Variants in SLMAP observed in about 807,000 individuals in gnomAD.
SLMAP encodes the protein sarcolemma associated protein, also known as sarcolemmal membrane-associated protein.
In SLMAP, 44 loss-of-function variants were observed where a neutral mutation model predicts 128.8. That is an observed-to-expected ratio of 0.34 (90% CI 0.27 to 0.44). The LOEUF (loss-of-function observed/expected upper bound fraction) is 0.44, where lower values mean the gene tolerates loss of function less well. Ranked by LOEUF, SLMAP falls within the 20% of genes least tolerant of loss-of-function variation. The pLI is 1.00. For synonymous variants in SLMAP, 327 were observed against 348.8 expected (o/e 0.94, Z 0.70); for missense variants, 787 against 985.3 (o/e 0.80, Z 2.69).
At chr3:57,920,643 C>G (rs1380576415) in intron 22 of SLMAP, among the ~76,000 whole-genome samples, 1 of 152,048 alleles carries the variant, frequency 6.6e-6, no homozygotes, top group Non-Finnish European at 1.5e-5. Context: ...CAAGGAGGAA[C>G]CTTTCTGGTA....
At chr3:57,846,219 A>G (rs1435410967) in intron 4 of SLMAP, among the ~76,000 whole-genome samples, 2 of 152,202 alleles carry the variant, frequency 1.3e-5, no homozygotes, top group Non-Finnish European at 2.9e-5. Flanking sequence ...GGGTAGAGCT[A>G]GATTTTGGAC....
At chr3:57,837,632 G>T (rs2093701473) in intron 3 of SLMAP, among the ~76,000 whole-genome samples, 2 of 152,170 alleles carry the variant, frequency 1.3e-5, no homozygotes, top group South Asian at 4.1e-4. Flanking sequence ...GCCTCCCAAA[G>T]TACTGGGATT....
At chr3:57,840,492 A>G (rs902845645) in intron 3 of SLMAP, among the ~76,000 whole-genome samples, 3 of 152,234 alleles carry the variant, frequency 2.0e-5, no homozygotes, top group Non-Finnish European at 4.4e-5. Context: ...ATAAAGAGAA[A>G]TAAAAAACCG....
chr3:57,756,508 G>A (rs1466391226), intron 1 of SLMAP, 40 bp from the exon 2 acceptor site: 5 of 152,634 alleles, frequency 3.3e-5, no homozygotes, highest in African/African-American at 1.2e-4. Flanking sequence ...GGCGGGCTGA[G>A]GCGCCTGACG....
chr3:57,875,774 A>T (rs1021863746), intron 14 of SLMAP, among the ~76,000 whole-genome samples: 1 of 152,218 alleles, frequency 6.6e-6, no homozygotes, highest in Admixed American at 6.5e-5. Flanking sequence ...TGGGAAAGTG[A>T]GGGTTGACTC....
intron 2 of SLMAP, among the ~76,000 whole-genome samples, chr3:57,818,241 C>G (rs571051560): frequency 1.3e-5 from 2 of 152,066 alleles, no homozygotes; most frequent in Non-Finnish European, 2.9e-5. Context: ...CTGCAACCTC[C>G]GCCTCCCGGG....
rs1254082872 is a variant in SLMAP, at chr3:57,757,510, A to G, written c.-142A>G. 3 of 714,648 alleles carry G rather than the reference A, an allele frequency of 4.2e-6. No individual in the cohort carries two copies. Among genetic ancestry groups the G allele is most frequent in the African/African-American group, 3.5e-5 (2 of 56,828 alleles). The allele number at this position is 714,648 out of a possible 1,614,324, so 44.3% of individuals were successfully genotyped here. A position where few individuals can be genotyped will look rare whatever the true frequency, so the allele number is the denominator to read the frequency against. ...CCACCCAAGTGAAGAGTTGATGTTC[A>G]CTGGTTATGCTTAGACAATGTGCAG... On this transcript the variant is annotated 5_prime_UTR_variant, in exon 2 of 25. Coordinates refer to ENST00000671191, the MANE Select transcript of SLMAP (RefSeq NM_001377540.1).
chr3:57,789,061 A>G (rs1432556291), intron 2 of SLMAP, among the ~76,000 whole-genome samples: 1 of 152,206 alleles, frequency 6.6e-6, no homozygotes, highest in Non-Finnish European at 1.5e-5. Context: ...ATGTGGCATT[A>G]AAAAAGCAGT....
chr3:57,841,011 CA>C (rs1391436110), intron 3 of SLMAP, among the ~76,000 whole-genome samples: 2 of 152,140 alleles, frequency 1.3e-5, no homozygotes, highest in African/African-American at 2.4e-5. Flanking sequence ...ATTTCCCCCT[CA>C]CAATTTTATT....
At position 57,916,998 on chromosome 3, in the gene SLMAP, A is replaced by C. The variant is rs765326482; in HGVS notation, c.2231A>C (p.Glu744Ala). 3.7e-5 allele frequency: 60 copies of C among 1,614,006 alleles called. No individual in the cohort carries two copies. The East Asian group carries it at 1.3e-3, about 35-fold the overall frequency. The change falls in exon 22 of 25, where the codon GAA (glutamate) becomes GCA (alanine). Residue 744 changes from glutamate to alanine, a missense_variant. Around this residue, in one of 2 missense-constraint regions of SLMAP, gnomAD observed 715 missense variants for 843.6 expected, o/e 0.85. Transcript: ENST00000671191. ...GAGAATCAAGTGGGATCCTTGAAAG[A>C]ACAGCATCTTCGGGATTCAGCTGAT... ...ELENQVGSLK[E>A]QHLRDSADLK...
At chr3:57,912,298 C>T in intron 19 of SLMAP, 83 bp from the exon 20 acceptor site, 1 of 1,182,132 alleles carries the variant, frequency 8.5e-7, no homozygotes. Flanking sequence ...CTCTGACAAC[C>T]CAGGTTATGC....
chr3:57,809,062 G>T (rs1261645241), intron 2 of SLMAP, among the ~76,000 whole-genome samples: 3 of 152,178 alleles, frequency 2.0e-5, no homozygotes, highest in African/African-American at 4.8e-5. Context: ...TCTTGGTGGA[G>T]GCAGGGAGCG....
chr3:57,871,083 T>G (rs1158874037), intron 13 of SLMAP, among the ~76,000 whole-genome samples: 1 of 152,228 alleles, frequency 6.6e-6, no homozygotes, highest in Non-Finnish European at 1.5e-5. Flanking sequence ...TGGGCAGAGA[T>G]AAACAATTTA....
intron 23 of SLMAP, among the ~76,000 whole-genome samples, chr3:57,925,065 C>T (rs1434229956): frequency 6.6e-6 from 1 of 151,434 alleles, no homozygotes; most frequent in Non-Finnish European, 1.5e-5. Context: ...AGCAATGCTC[C>T]CACCTCAGCT....
At position 57,847,243 on chromosome 3, in the gene SLMAP, TA is replaced by T; in HGVS notation, c.456+12del. 6.2e-7 allele frequency: 1 copy of T among 1,604,968 alleles called. No individual in the cohort carries two copies. Among genetic ancestry groups the T allele is most frequent in the Non-Finnish European group, 8.5e-7 (1 of 1,172,984 alleles). ...AAGTCCTGTTGACAAAGTAAGTTGC[TA>T]ATGATTATTTTTTCCAAACTGACTC... On this transcript the variant is annotated intron_variant, in intron 5 of 24. Coordinates refer to ENST00000671191, the MANE Select transcript of SLMAP (RefSeq NM_001377540.1).
At chr3:57,766,830 A>G (rs1434116205) in intron 2 of SLMAP, among the ~76,000 whole-genome samples, 1 of 149,854 alleles carries the variant, frequency 6.7e-6, no homozygotes, top group Non-Finnish European at 1.5e-5. Context: ...ACCTTCCCTG[A>G]CTCCCTTTAA....
intron 2 of SLMAP, among the ~76,000 whole-genome samples, chr3:57,778,800 T>G (rs1403587501): frequency 2.0e-5 from 3 of 152,100 alleles, no homozygotes; most frequent in Non-Finnish European, 4.4e-5. Context: ...GTCTAGTTTC[T>G]CAAATTAGAA....
In SLMAP at chr3:57,852,978, A is replaced by G. The variant is rs1018102841; in HGVS notation, c.519+3162A>G. On this transcript the variant is annotated intron_variant, in intron 6 of 24. Coordinates refer to ENST00000671191, the MANE Select transcript of SLMAP (RefSeq NM_001377540.1). ...TTTAAGTAAAAACTGGAATAGATGC[A>G]TTTTATACCTTAGAACTAACTAAAA... is the stretch of plus-strand genomic sequence containing the variant. Among the ~76,000 whole-genome samples, 4 of 152,358 alleles carry G rather than the reference A, an allele frequency of 2.6e-5. No individual in the cohort carries two copies. The East Asian group carries it at 7.7e-4, about 29-fold the overall frequency.
intron 3 of SLMAP, among the ~76,000 whole-genome samples, chr3:57,835,816 C>G (rs1203578550): frequency 6.6e-6 from 1 of 152,138 alleles, no homozygotes; most frequent in Non-Finnish European, 1.5e-5. Flanking sequence ...AACTTTATCT[C>G]AAGCAAACTG....
Sources: gnomAD v4.1 joint callset for allele counts (sites outside exome capture counted in the v4.1 genomes callset) on GRCh38, gnomAD v4.1.1 for gene constraint, gnomAD v4.1.1 regional missense constraint, MANE v1.5 for transcripts, NCBI Gene and HGNC (gene_info 2026-07-23, HGNC 2026-07-21) for gene names.